The following STARD9 variants were observed in gnomAD, a reference collection of about 807,000 sequenced individuals.
STARD9 encodes stAR-related lipid transfer protein 9.
Under a neutral mutation model 399.8 loss-of-function variants are expected in STARD9, and 346 were observed. That is an observed-to-expected ratio of 0.87 (90% CI 0.79 to 0.95). The LOEUF is 0.95. Ranked by LOEUF, STARD9 falls within the 40% of genes least tolerant of loss-of-function variation. The pLI is 0.00. For missense variants in STARD9, 5,832 were observed against 5,667.5 expected (o/e 1.03, Z -0.93); for synonymous variants, 2,203 against 2,143.5 (o/e 1.03, Z -0.77).
At chr15:42,627,070 G>A (rs768035777) in intron 3 of STARD9, among the ~76,000 whole-genome samples, 27 of 152,082 alleles carry the variant, frequency 1.8e-4, no homozygotes, top group Non-Finnish European at 2.8e-4. Flanking sequence ...CAAGGTGGGT[G>A]GATCGCTTTG....
intron 3 of STARD9, among the ~76,000 whole-genome samples, chr15:42,622,914 G>C (rs1437390258): frequency 6.6e-6 from 1 of 152,214 alleles, no homozygotes; most frequent in African/African-American, 2.4e-5. Flanking sequence ...TCAAGGTAGG[G>C]ACCTCTCTCA....
intron 3 of STARD9, among the ~76,000 whole-genome samples, chr15:42,612,797 A>G (rs1025712018): frequency 6.6e-6 from 1 of 152,180 alleles, no homozygotes; most frequent in Non-Finnish European, 1.5e-5. Flanking sequence ...CAGCCTGGCC[A>G]ACGTGGTGAA....
chr15:42,598,515 T>A (rs1303325729), intron 3 of STARD9, among the ~76,000 whole-genome samples: 1 of 152,060 alleles, frequency 6.6e-6, no homozygotes, highest in Non-Finnish European at 1.5e-5. Context: ...TTCTTTGGCA[T>A]AAAAAATGAG....
intron 15 of STARD9, among the ~76,000 whole-genome samples, chr15:42,668,884 A>G (rs2060153063): frequency 6.6e-6 from 1 of 152,248 alleles, no homozygotes; most frequent in South Asian, 2.1e-4. Context: ...TTCTAATTAT[A>G]AAAACAATAC....
intron 7 of STARD9, among the ~76,000 whole-genome samples, chr15:42,650,638 G>A (rs565243814): frequency 1.3e-5 from 2 of 152,286 alleles, no homozygotes; most frequent in African/African-American, 2.4e-5. Context: ...ATGCCAAACC[G>A]AGTCTGCCAC....
chr15:42,706,104 C>G (rs1328158293), intron 26 of STARD9, among the ~76,000 whole-genome samples: 4 of 152,130 alleles, frequency 2.6e-5, no homozygotes, highest in African/African-American at 9.7e-5. Context: ...AGTTCAATTG[C>G]AAGAACTTGT....
In STARD9 at chr15:42,686,137, T is replaced by A. The variant is rs1425773104; in HGVS notation, c.4559T>A (p.Leu1520Gln). 1.3e-6 allele frequency: 2 copies of A among 1,537,184 alleles called. No individual in the cohort carries two copies. Among genetic ancestry groups the A allele is most frequent in the African/African-American group, 2.7e-5 (2 of 73,044 alleles). ...YPYLEEDSGS[L>Q]AQASSKGGDT... Reference sequence around the variant, plus strand: ...TACCTTGAGGAAGACTCTGGTTCCCTGGCCCAAGCTTCTAGCAAAGGAGGA... The same window carrying A: ...TACCTTGAGGAAGACTCTGGTTCCCAGGCCCAAGCTTCTAGCAAAGGAGGA... The change falls in exon 23 of 33, where the codon CTG (leucine) becomes CAG (glutamine). Residue 1520 changes from leucine to glutamine, a missense_variant. Leu to Gln is a moderately radical substitution (Grantham distance 113, BLOSUM62 -2). This residue lies in a region of STARD9 where 5,828 missense variants were observed against 5,651.1 expected (regional missense o/e 1.03). Transcript: ENST00000290607.
chr15:42,597,998 A>ATGTGTGTGTGTGTG lies in STARD9; in HGVS notation c.234+12362_234+12363insGTGTGTGTGTGTGT, dbSNP rs770352086. 2.0e-3 allele frequency among the ~76,000 whole-genome samples: 221 copies of ATGTGTGTGTGTGTG among 112,742 alleles called. 2 individuals are homozygous for ATGTGTGTGTGTGTG. Among genetic ancestry groups the ATGTGTGTGTGTGTG allele is most frequent in the Non-Finnish European group, 2.8e-3 (157 of 56,690 alleles). 74.0% of individuals were successfully genotyped at this position (112,742 alleles called of 152,430 possible). A position where few individuals can be genotyped will look rare whatever the true frequency, so the allele number is the denominator to read the frequency against. On this transcript the variant is annotated intron_variant, in intron 3 of 32. Transcript: ENST00000290607. ...TGTGTGTGTGTGTGTTTGTATATATATATGTGTGTGTGTGTGTGTGTGTGT... is the reference window on the plus strand; with the variant it reads ...TGTGTGTGTGTGTGTTTGTATATATATGTGTGTGTGTGTGTATGTGTGTGTGTGTGTGTGTGTGT...
rs56286330 is a variant in STARD9, at chr15:42,658,288, G to GGTGT, written c.703-2843_703-2840dup. 7.1e-3 allele frequency among the ~76,000 whole-genome samples: 1,041 copies of GGTGT among 145,912 alleles called. 7 individuals are homozygous for GGTGT. Among genetic ancestry groups the GGTGT allele is most frequent in the Middle Eastern group, 0.01 (3 of 286 alleles). On this transcript the variant is annotated intron_variant, in intron 9 of 32. Transcript: ENST00000290607. The stretch of plus-strand genomic sequence containing the variant: ...GCCTCCCAAGTAGCTGGGACTTACA[G>GGTGT]GTGTGTGTGTGTGTGTGTGTGTGTG...
In STARD9 at chr15:42,689,495, C is replaced by T; in HGVS notation, c.7917C>T (p.Ala2639=). 1 of 1,537,262 alleles carries T rather than the reference C, an allele frequency of 6.5e-7. No individual in the cohort carries two copies. Among genetic ancestry groups the T allele is most frequent in the Non-Finnish European group, 8.7e-7 (1 of 1,146,928 alleles). ...DLLPDERKVQ[A]TSLSADSFES... ...TACCTGATGAGAGGAAAGTCCAGGC[C>T]ACATCTCTGTCTGCAGACAGCTTTG... The change falls in exon 23 of 33, where the codon GCC becomes GCT. Residue 2639 remains alanine (A), a synonymous_variant. Coordinates refer to ENST00000290607, the MANE Select transcript of STARD9 (RefSeq NM_020759.3).
At chr15:42,612,217 A>T (rs1233857817) in intron 3 of STARD9, among the ~76,000 whole-genome samples, 2 of 152,120 alleles carry the variant, frequency 1.3e-5, no homozygotes, top group Non-Finnish European at 2.9e-5. Context: ...GCCTCAAGTG[A>T]TCCTCCAACC....
chr15:42,610,465 C>T (rs2058825578), intron 3 of STARD9, among the ~76,000 whole-genome samples: 1 of 152,214 alleles, frequency 6.6e-6, no homozygotes, highest in Admixed American at 6.5e-5. Flanking sequence ...TCCTGTGTAG[C>T]ATAAGCCAGA....
At chr15:42,622,762 T>C (rs1249158864) in intron 3 of STARD9, among the ~76,000 whole-genome samples, 1 of 152,132 alleles carries the variant, frequency 6.6e-6, no homozygotes, top group East Asian at 1.9e-4. Context: ...TCATGTGACA[T>C]GGTTGTTCTC....
intron 9 of STARD9, among the ~76,000 whole-genome samples, chr15:42,659,556 C>T (rs189549622): frequency 3.7e-4 from 57 of 152,276 alleles, no homozygotes; most frequent in Admixed American, 2.0e-3. Flanking sequence ...GATGGAGTCT[C>T]ACTCTGTTGC....
chr15:42,690,051 A>G lies in STARD9; in HGVS notation c.8473A>G (p.Thr2825Ala), dbSNP rs1566943843. 3 of 1,537,496 alleles carry G rather than the reference A, an allele frequency of 2.0e-6. No individual in the cohort carries two copies. The highest frequency in any genetic ancestry group is 2.7e-5 in the African/African-American group (2 of 73,180). Residue 2825 changes from threonine to alanine, a missense_variant, in exon 23 of 33, where the codon ACA becomes GCA. This residue lies in a region of STARD9 where 5,828 missense variants were observed against 5,651.1 expected (regional missense o/e 1.03). Transcript: ENST00000290607. ...TGTGACCTGTGATGTTCAGAATTCT[A>G]CAAGTGCCTCAGGGCCTAAGCAAGA... Reference protein sequence around the residue: ...QSVTCDVQNSTSASGPKQDHV... With the variant: ...QSVTCDVQNSASASGPKQDHV...
rs780388049 is a variant in STARD9 at position 42,685,748 on chromosome 15, G to A, written c.4170G>A (p.Thr1390=). 15 of 1,537,296 alleles carry A rather than the reference G, an allele frequency of 9.8e-6. No individual in the cohort carries two copies. The highest frequency in any genetic ancestry group is 1.7e-4 in the Middle Eastern group (1 of 6,014). Residue 1390 remains threonine, a synonymous_variant, in exon 23 of 33, where the codon ACG becomes ACA. Coordinates refer to ENST00000290607, the MANE Select transcript of STARD9 (RefSeq NM_020759.3). ...TEELKPSDAE[T]VLPYSSKLHQ... is the part of the protein sequence containing the mutation. ...AACTAAAGCCATCAGATGCAGAAACGGTTCTGCCATATAGCTCCAAACTGC... is the reference window on the plus strand; with the variant it reads ...AACTAAAGCCATCAGATGCAGAAACAGTTCTGCCATATAGCTCCAAACTGC...
intron 7 of STARD9, among the ~76,000 whole-genome samples, chr15:42,649,862 CTTTTT>C (rs765573235): frequency 1.7e-4 from 18 of 107,224 alleles, no homozygotes; most frequent in East Asian, 1.3e-3. Context: ...CGAGCCTGGC[CTTTTT>C]TTTTTTTTTT....
At chr15:42,681,360 T>C (rs1419117325) in intron 20 of STARD9, 62 bp from the exon 21 acceptor site, 19 of 1,478,454 alleles carry the variant, frequency 1.3e-5, no homozygotes, top group East Asian at 4.9e-5. Flanking sequence ...TACACTGCTA[T>C]CAGTTTGTCC....
intron 3 of STARD9, among the ~76,000 whole-genome samples, chr15:42,612,785 A>G (rs779943382): frequency 2.0e-5 from 3 of 152,188 alleles, no homozygotes; most frequent in Non-Finnish European, 4.4e-5. Context: ...GAAGTTTGAG[A>G]CCAGCCTGGC....
Sources: gnomAD v4.1 joint callset for allele counts (sites outside exome capture counted in the v4.1 genomes callset) on GRCh38, gnomAD v4.1.1 for gene constraint, gnomAD v4.1.1 regional missense constraint, MANE v1.5 for transcripts, NCBI Gene and HGNC (gene_info 2026-07-23, HGNC 2026-07-21) for gene names.